Variants in CEP135 observed in about 807,000 individuals in gnomAD.
The protein encoded by CEP135 is centrosomal protein of 135 kDa.
Under a neutral mutation model 157.3 loss-of-function variants are expected in CEP135, and 142 were observed. The ratio of observed to expected loss-of-function variants is 0.90; its 90% confidence interval spans 0.79 to 1.04. CEP135 has a LOEUF of 1.04. CEP135 is among the 50% of genes least tolerant of loss of function. CEP135 has a pLI of 0.00. For synonymous variants in CEP135, 396 were observed against 439.8 expected (o/e 0.90, Z 1.25); for missense variants, 1,317 against 1,309.2 (o/e 1.01, Z -0.09).
rs780597618 is a variant in CEP135 at position 55,953,267 on chromosome 4, AC to A, written c.297del (p.His99GlnfsTer5). 2 of 1,513,760 alleles carry A rather than the reference AC, an allele frequency of 1.3e-6. No individual in the cohort carries two copies. Among genetic ancestry groups the A allele is most frequent in the Non-Finnish European group, 1.8e-6 (2 of 1,133,334 alleles). The allele number at this position is 1,513,760 out of a possible 1,614,324, so 93.8% of individuals were successfully genotyped here. A position where few individuals can be genotyped will look rare whatever the true frequency, so the allele number is the denominator to read the frequency against. On this transcript the variant is annotated frameshift_variant, in exon 3 of 26. Transcript: ENST00000257287. LOFTEE classifies it high-confidence loss of function. ...AAACTGAGAGAACATTCAGACCAACACGTTAAAGGTAAGTGAAAATTTGATA... is the reference window on the plus strand; with the variant it reads ...AAACTGAGAGAACATTCAGACCAACAGTTAAAGGTAAGTGAAAATTTGATA... ...LMKLREHSDQ[H>X]VKELKTSLKK...
chr4:55,990,251 C>A (rs1729739879), intron 14 of CEP135, among the ~76,000 whole-genome samples: 2 of 152,060 alleles, frequency 1.3e-5, no homozygotes, highest in Admixed American at 6.6e-5. Context: ...TTCTAAAAAC[C>A]TCGCTTCTAG....
At chr4:56,011,051 T>G (rs1175061814) in intron 19 of CEP135, among the ~76,000 whole-genome samples, 1 of 151,646 alleles carries the variant, frequency 6.6e-6, no homozygotes, top group Non-Finnish European at 1.5e-5. Flanking sequence ...CTGGACATCA[T>G]AGTGAGACCT....
At chr4:55,969,253 C>T (rs535718035) in intron 9 of CEP135, 125 bp downstream of exon 9, 111 of 645,328 alleles carry the variant, frequency 1.7e-4, no homozygotes, top group African/African-American at 1.7e-3. Context: ...ATGGCGAAAC[C>T]CCGTCTCTAC....
rs76055256 is a variant in CEP135 at position 55,974,856 on chromosome 4, C to A, written c.1360C>A (p.Arg454=). 1 of 1,613,524 alleles carries A rather than the reference C, an allele frequency of 6.2e-7. No homozygotes were observed. Among genetic ancestry groups the A allele is most frequent in the African/African-American group, 1.3e-5 (1 of 74,858 alleles). Residue 454 remains arginine, a synonymous_variant, in exon 11 of 26, where the codon CGA becomes AGA. Coordinates refer to ENST00000257287, the MANE Select transcript of CEP135 (RefSeq NM_025009.5). ...ATTTCTGAAAGGTATAGAAGAAGAA[C>A]GAGATTATTATAAGAAAGAGCTAGA... ...DTFLKGIEEE[R]DYYKKELERL...
intron 25 of CEP135, among the ~76,000 whole-genome samples, chr4:56,029,641 A>G (rs569032597): frequency 2.6e-5 from 4 of 152,298 alleles, no homozygotes; most frequent in Admixed American, 2.0e-4. Flanking sequence ...TATATAGCCT[A>G]CTGCATACCC....
At chr4:55,994,682 T>C (rs1729908099) in intron 15 of CEP135, among the ~76,000 whole-genome samples, 1 of 151,148 alleles carries the variant, frequency 6.6e-6, no homozygotes, top group African/African-American at 2.4e-5. Context: ...ATATCAAGCA[T>C]AATCTTTTTT....
At chr4:56,000,484 C>T (rs528317836) in intron 17 of CEP135, among the ~76,000 whole-genome samples, 3 of 152,142 alleles carry the variant, frequency 2.0e-5, no homozygotes, top group Admixed American at 6.5e-5. Context: ...CCTCTCTTCA[C>T]GCCTCCTCCC....
chr4:55,990,530 C>G (rs939489566), intron 14 of CEP135, among the ~76,000 whole-genome samples: 1 of 152,124 alleles, frequency 6.6e-6, no homozygotes, highest in African/African-American at 2.4e-5. Flanking sequence ...GAGTCTTGCT[C>G]TGTTGCCCAG....
chr4:55,954,442 A>G (rs1728449971), intron 4 of CEP135, 59 bp downstream of exon 4: 1 of 1,413,946 alleles, frequency 7.1e-7, no homozygotes, highest in Non-Finnish European at 9.5e-7. Context: ...CGATATTAAC[A>G]CCATTGACTA....
At chr4:55,985,806 G>A (rs1314219330) in intron 14 of CEP135, among the ~76,000 whole-genome samples, 1 of 152,096 alleles carries the variant, frequency 6.6e-6, no homozygotes, top group African/African-American at 2.4e-5. Context: ...TGGGCATGGT[G>A]GTGCACACCT....
intron 17 of CEP135, among the ~76,000 whole-genome samples, chr4:55,999,999 G>C (rs539008288): frequency 9.9e-5 from 15 of 152,002 alleles, no homozygotes; most frequent in Non-Finnish European, 1.9e-4. Flanking sequence ...AGACAAGCCT[G>C]GGCCACGTGG....
Position 55,992,009 on chromosome 4 carries a change from T to C in CEP135, c.1933T>C (p.Leu645=), listed in dbSNP as rs752899766. 6.8e-6 allele frequency: 11 copies of C among 1,606,662 alleles called. No homozygotes were observed. Among genetic ancestry groups the C allele is most frequent in the Middle Eastern group, 1.7e-4 (1 of 6,030 alleles). The part of the protein sequence containing the change: ...KETIESLENK[L]KVQAQKFSHV... ...AACAATAGAGTCGTTAGAGAACAAA[T>C]TAAAAGTCCAAGCTCAAAAATTTAG... is the stretch of plus-strand genomic sequence containing the variant. Residue 645 remains leucine (L), a synonymous_variant, in exon 15 of 26, where the codon TTA becomes CTA. Transcript: ENST00000257287.
At chr4:56,014,367 T>G (rs567318002) in intron 21 of CEP135, among the ~76,000 whole-genome samples, 1 of 152,014 alleles carries the variant, frequency 6.6e-6, no homozygotes. Flanking sequence ...TTGGTAGAAA[T>G]AGGGACATGA....
In CEP135 at chr4:55,971,319, T is replaced by G. The variant is rs377505434; in HGVS notation, c.1160T>G (p.Leu387Arg). 1.2e-5 allele frequency: 20 copies of G among 1,606,346 alleles called. No individual in the cohort carries two copies. The highest frequency in any genetic ancestry group is 1.5e-5 in the Non-Finnish European group (18 of 1,176,812). The stretch of plus-strand genomic sequence containing the variant: ...AAGGAGAGACTGAGTGATGAACTCC[T>G]TGTAAAATCAGACCTAGAAACTGTT... ...KEKERLSDEL[L>R]VKSDLETVVH... is the part of the protein sequence containing the mutation. Residue 387 changes from leucine (L) to arginine (R), a missense_variant, in exon 10 of 26, where the codon CTT becomes CGT. Coordinates refer to ENST00000257287, the MANE Select transcript of CEP135 (RefSeq NM_025009.5).
In CEP135 at chr4:55,968,235, T is replaced by C. The variant is rs144709188; in HGVS notation, c.1045-828T>C. Among the ~76,000 whole-genome samples, 47 of 152,308 alleles carry C rather than the reference T, an allele frequency of 3.1e-4. No homozygotes were observed. In the East Asian group the frequency reaches 5.0e-3, roughly 16 times the overall value. ...TGAAAAACCCTTACACTTGAAAAACTATACAGCATTGCTAAAGAAGTTAAA... is the reference window on the plus strand; with the variant it reads ...TGAAAAACCCTTACACTTGAAAAACCATACAGCATTGCTAAAGAAGTTAAA... On this transcript the variant is annotated intron_variant, in intron 8 of 25. Transcript: ENST00000257287.
chr4:55,952,207 CAGTGG>C lies in CEP135; in HGVS notation c.82_86del (p.Glu28PhefsTer16). 6.2e-7 allele frequency: 1 copy of C among 1,612,854 alleles called. No individual in the cohort carries two copies. The highest frequency in any genetic ancestry group is 8.5e-7 in the Non-Finnish European group (1 of 1,178,902). The stretch of plus-strand genomic sequence containing the variant: ...CAGCTGGGATACCGCCAGACTCTGA[CAGTGG>C]AGTGTTTACCTTTGGTAGAAAAACT... On this transcript the variant is annotated frameshift_variant, in exon 2 of 26. Transcript: ENST00000257287. LOFTEE classifies it high-confidence loss of function.
intron 17 of CEP135, 76 bp from the exon 18 acceptor site, chr4:56,008,251 T>G (rs1405156781): frequency 9.7e-7 from 1 of 1,036,112 alleles, no homozygotes; most frequent in African/African-American, 1.6e-5. Context: ...TTGAACTATA[T>G]GAATATGACA....
intron 1 of CEP135, among the ~76,000 whole-genome samples, chr4:55,949,671 T>C (rs1217414160): frequency 6.6e-6 from 1 of 152,240 alleles, no homozygotes; most frequent in East Asian, 1.9e-4. Context: ...CCCCCAGAGT[T>C]AAGTAGATGG....
intron 14 of CEP135, among the ~76,000 whole-genome samples, chr4:55,989,823 C>T (rs1192651441): frequency 6.6e-6 from 1 of 152,124 alleles, no homozygotes; most frequent in Admixed American, 6.5e-5. Flanking sequence ...TGTGTAGCTC[C>T]TAGGAGTGCA....
Sources: gnomAD v4.1 joint callset for allele counts (sites outside exome capture counted in the v4.1 genomes callset) on GRCh38, gnomAD v4.1.1 for gene constraint, MANE v1.5 for transcripts, NCBI Gene and HGNC (gene_info 2026-07-23, HGNC 2026-07-21) for gene names.